Variants in SBF2 observed in about 807,000 individuals in gnomAD.
SBF2 encodes the protein myotubularin-related protein 13.
A neutral mutation model predicts 225.2 loss-of-function variants in SBF2; 112 were observed. The ratio of observed to expected loss-of-function variants is 0.50; its 90% CI spans 0.43 to 0.58. The LOEUF (loss-of-function observed/expected upper bound fraction) is 0.58. Ranked by LOEUF, SBF2 falls within the 20% of genes least tolerant of loss-of-function variation. The pLI is 0.00. For synonymous variants in SBF2, 763 were observed against 773.3 expected (o/e 0.99, Z 0.22); for missense variants, 1,996 against 2,206.2 (o/e 0.90, Z 1.91).
At chr11:9,966,668 T>C (rs1590630173) in intron 14 of SBF2, among the ~76,000 whole-genome samples, 1 of 152,268 alleles carries the variant, frequency 6.6e-6, no homozygotes, top group Non-Finnish European at 1.5e-5. Flanking sequence ...AGGGGACTTA[T>C]ATATAGAATA....
intron 1 of SBF2, among the ~76,000 whole-genome samples, chr11:10,287,331 G>C (rs1187662063): frequency 2.0e-5 from 3 of 152,150 alleles, no homozygotes; most frequent in Non-Finnish European, 4.4e-5. Context: ...ACTCAGGCTG[G>C]AATACAGTAG....
intron 2 of SBF2, among the ~76,000 whole-genome samples, chr11:10,130,854 T>G (rs1418373429): frequency 6.6e-6 from 1 of 152,144 alleles, no homozygotes; most frequent in Non-Finnish European, 1.5e-5. Context: ...TCTGTCCAAA[T>G]TTTTGAGGGT....
intron 32 of SBF2, among the ~76,000 whole-genome samples, chr11:9,806,917 T>C (rs1853886090): frequency 6.6e-6 from 1 of 152,212 alleles, no homozygotes; most frequent in African/African-American, 2.4e-5. Context: ...AAAGCTGTTA[T>C]TTACAAAAAT....
Position 9,785,221 on chromosome 11 carries a change from C to G in SBF2, c.5135G>C (p.Gly1712Ala), listed in dbSNP as rs757214892. Reference protein sequence around the residue: ...SLLHLPDSSMGEEQNSSISPS... With the variant: ...SLLHLPDSSMAEEQNSSISPS... ...GGAGATGCTGGAATTCTGTTCCTCC[C>G]CCATGCTGCTGTCTGGGAGATGTAG... The change falls in exon 37 of 40, where the codon GGG becomes GCG. Residue 1712 changes from glycine (G) to alanine (A), a missense_variant. By Grantham distance (60) the Gly-to-Ala change is moderately conservative. Transcript: ENST00000256190. The G allele has an allele frequency of 1.2e-6, 2 of 1,614,156 alleles. No individual in the cohort carries two copies. Among genetic ancestry groups the G allele is most frequent in the South Asian group, 2.2e-5 (2 of 91,088 alleles).
chr11:10,211,668 G>A (rs546853969), intron 1 of SBF2, among the ~76,000 whole-genome samples: 55 of 152,202 alleles, frequency 3.6e-4, no homozygotes, highest in Non-Finnish European at 7.2e-4. Context: ...CTGTGGGATA[G>A]TGAGATGAAC....
At chr11:9,850,354 C>T in intron 21 of SBF2, 136 bp from the exon 22 acceptor site, 1 of 802,190 alleles carries the variant, frequency 1.2e-6, no homozygotes, top group South Asian at 1.5e-5. Context: ...CTCCTGGGCT[C>T]AAAAGATCCT....
At chr11:10,197,819 A>T (rs915473727) in intron 1 of SBF2, among the ~76,000 whole-genome samples, 2 of 152,242 alleles carry the variant, frequency 1.3e-5, no homozygotes, top group Non-Finnish European at 2.9e-5. Flanking sequence ...TCTTCTCCAG[A>T]AGTAGATTCC....
At position 9,780,471 on chromosome 11, in the gene SBF2, G is replaced by T; in HGVS notation, c.5497C>A (p.Gln1833Lys). The T allele has an allele frequency of 6.2e-7, 1 of 1,614,154 alleles. No individual in the cohort carries two copies. The highest frequency in any genetic ancestry group is 8.5e-7 in the Non-Finnish European group (1 of 1,180,024). The change falls in exon 40 of 40, where the codon CAG (glutamine) becomes AAG (lysine). Residue 1833 changes from glutamine to lysine, a missense_variant. Physicochemically the swap from Gln to Lys is moderately conservative, Grantham distance 53. Transcript: ENST00000256190. ...RVYNFCAQDG[Q>K]SAQQWMDKIQ... ...TTGTCCATCCATTGCTGGGCACTCTGTCCATCCTGGGCGCAGAAGTTATAC... is the reference window on the plus strand; with the variant it reads ...TTGTCCATCCATTGCTGGGCACTCTTTCCATCCTGGGCGCAGAAGTTATAC...
intron 2 of SBF2, among the ~76,000 whole-genome samples, chr11:10,184,719 G>A (rs1297859532): frequency 6.6e-6 from 1 of 152,018 alleles, no homozygotes; most frequent in Non-Finnish European, 1.5e-5. Context: ...ATTTTGTTTT[G>A]TTTTTTATTG....
At chr11:10,157,390 A>G (rs1955528608) in intron 2 of SBF2, among the ~76,000 whole-genome samples, 1 of 152,232 alleles carries the variant, frequency 6.6e-6, no homozygotes, top group Non-Finnish European at 1.5e-5. Context: ...GCCAAAAGCA[A>G]TTGCAACAAA....
intron 16 of SBF2, among the ~76,000 whole-genome samples, chr11:9,910,702 TA>T (rs201982974): frequency 1.3e-5 from 2 of 148,784 alleles, no homozygotes; most frequent in Admixed American, 6.7e-5. Context: ...GTTTAAAAAG[TA>T]AAAAAAAAAC....
chr11:10,083,528 T>C lies in SBF2; in HGVS notation c.142-40547A>G, dbSNP rs79446404. The stretch of plus-strand genomic sequence containing the variant: ...AAACAGCATTGTACTAATATAAAAA[T>C]AGATACAGATCAATGGAACATACCA... On this transcript the variant is annotated intron_variant, in intron 2 of 39. Coordinates refer to ENST00000256190, the MANE Select transcript of SBF2 (RefSeq NM_030962.4). Among the ~76,000 whole-genome samples the C allele has an allele frequency of 8.3e-3, 1,266 of 152,096 alleles. 17 individuals are homozygous for C. Among genetic ancestry groups the C allele is most frequent in the African/African-American group, 0.029 (1,217 of 41,498 alleles).
intron 2 of SBF2, among the ~76,000 whole-genome samples, chr11:10,051,713 C>T (rs1001987478): frequency 3.3e-5 from 5 of 151,944 alleles, no homozygotes; most frequent in African/African-American, 1.2e-4. Flanking sequence ...AATACAGTAA[C>T]ATAGACATAG....
At chr11:10,057,486 G>T (rs545719963) in intron 2 of SBF2, among the ~76,000 whole-genome samples, 1 of 152,266 alleles carries the variant, frequency 6.6e-6, no homozygotes, top group Admixed American at 6.5e-5. Context: ...CTTGTCATCA[G>T]ACAGGGAACC....
intron 1 of SBF2, among the ~76,000 whole-genome samples, chr11:10,287,641 A>G (rs1270078227): frequency 6.6e-6 from 1 of 152,206 alleles, no homozygotes; most frequent in Non-Finnish European, 1.5e-5. Flanking sequence ...ACTCACTGAA[A>G]TGTTCACTTA....
At chr11:10,129,094 TTCTC>T (rs201440867) in intron 2 of SBF2, among the ~76,000 whole-genome samples, 8 of 116,138 alleles carry the variant, frequency 6.9e-5, no homozygotes, top group African/African-American at 9.3e-5. Context: ...GCACGCAATT[TTCTC>T]TCTTTTTTTT....
chr11:10,288,166 T>C (rs1963923739), intron 1 of SBF2, among the ~76,000 whole-genome samples: 1 of 152,168 alleles, frequency 6.6e-6, no homozygotes, highest in African/African-American at 2.4e-5. Context: ...AGCTCTTATC[T>C]CCCTTCCTTC....
At chr11:10,087,569 G>A (rs1223387960) in intron 2 of SBF2, among the ~76,000 whole-genome samples, 2 of 152,020 alleles carry the variant, frequency 1.3e-5, no homozygotes, top group Non-Finnish European at 2.9e-5. Context: ...TTTCTGTTAT[G>A]GTAAATAATA....
intron 16 of SBF2, among the ~76,000 whole-genome samples, chr11:9,926,277 CACT>C (rs1168797555): frequency 6.6e-6 from 1 of 151,658 alleles, no homozygotes; most frequent in Non-Finnish European, 1.5e-5. Flanking sequence ...ACCTTTTTGT[CACT>C]GGTGAGAATT....
Sources: allele counts gnomAD v4.1 joint callset (sites outside exome capture counted in the v4.1 genomes callset), GRCh38; gene constraint gnomAD v4.1.1; transcripts MANE v1.5; gene names NCBI Gene and HGNC (gene_info 2026-07-23, HGNC 2026-07-21).